SIK2: variants seen among roughly 807,000 people sequenced by gnomAD.
SIK2 encodes the protein serine/threonine-protein kinase SIK2.
A neutral mutation model predicts 103.2 loss-of-function variants in SIK2; 29 were observed. The observed-to-expected ratio is 0.28, with a 90% CI of 0.21 to 0.38. SIK2 has a LOEUF of 0.38. Ranked by LOEUF, SIK2 falls within the 10% of genes least tolerant of loss-of-function variation. SIK2 has a pLI of 1.00. For missense variants in SIK2, 879 were observed against 1,171.0 expected (o/e 0.75, Z 3.64); for synonymous variants, 412 against 446.1 (o/e 0.92, Z 0.96).
At chr11:111,606,952 A>C (rs936620839) in intron 1 of SIK2, among the ~76,000 whole-genome samples, 41 of 106,020 alleles carry the variant, frequency 3.9e-4, no homozygotes, top group African/African-American at 1.0e-3. Context: ...AGTCTCATTA[A>C]AAAGAAAAAA....
At chr11:111,673,029 G>T (rs925864148) in intron 3 of SIK2, among the ~76,000 whole-genome samples, 1 of 152,122 alleles carries the variant, frequency 6.6e-6, no homozygotes. Context: ...TCTCTTAACT[G>T]GTTAACTACA....
chr11:111,692,693 C>T (rs1276074570), intron 4 of SIK2, among the ~76,000 whole-genome samples: 1 of 152,080 alleles, frequency 6.6e-6, no homozygotes, highest in Non-Finnish European at 1.5e-5. Flanking sequence ...TAAGGATCAT[C>T]TTCTTATCTC....
intron 2 of SIK2, among the ~76,000 whole-genome samples, chr11:111,617,131 A>G (rs1418479364): frequency 1.3e-5 from 2 of 152,110 alleles, no homozygotes; most frequent in Non-Finnish European, 2.9e-5. Context: ...AGTGTAAGCC[A>G]TGGGGTTTTT....
At chr11:111,702,723 T>TGG (rs897650590) in intron 6 of SIK2, among the ~76,000 whole-genome samples, 24 of 152,344 alleles carry the variant, frequency 1.6e-4, no homozygotes, top group African/African-American at 4.1e-4. Flanking sequence ...GCGGTTTTCT[T>TGG]GGTGTAGTCA....
At chr11:111,708,888 TAGTG>T (rs1435569015) in intron 8 of SIK2, among the ~76,000 whole-genome samples, 4 of 152,268 alleles carry the variant, frequency 2.6e-5, no homozygotes, top group South Asian at 2.1e-4. Flanking sequence ...GTCACACAAT[TAGTG>T]AGCCACCACA....
At chr11:111,642,505 G>T (rs761184063) in intron 3 of SIK2, among the ~76,000 whole-genome samples, 1 of 152,126 alleles carries the variant, frequency 6.6e-6, no homozygotes, top group African/African-American at 2.4e-5. Flanking sequence ...GGTATAGGGG[G>T]AGGGCAGAGC....
rs150378177 is a variant in SIK2, at chr11:111,605,332, T to A, written c.135+2634T>A. 3.9e-5 allele frequency among the ~76,000 whole-genome samples: 6 copies of A among 152,354 alleles called. No individual in the cohort carries two copies. The East Asian group carries it at 1.2e-3, about 29-fold the overall frequency. On this transcript the variant is annotated intron_variant, in intron 1 of 14. Coordinates refer to ENST00000304987, the MANE Select transcript of SIK2 (RefSeq NM_015191.3). ...TAATGATGTTTTTTACAGCAGTTAT[T>A]TATCCTTATTCGTTCATTCACTGGA...
Position 111,688,381 on chromosome 11 carries a change from T to C in SIK2, c.478+219T>C, listed in dbSNP as rs549413200. On this transcript the variant is annotated intron_variant, in intron 4 of 14. Coordinates refer to ENST00000304987, the MANE Select transcript of SIK2 (RefSeq NM_015191.3). The surrounding 1 kb of genome is among the most constrained non-coding windows in gnomAD (Gnocchi z 4.2). The stretch of plus-strand genomic sequence containing the variant: ...ACAGGTCAGAGCTACATCTGGGGTC[T>C]GATGTGTCCAGATTCCATTGGCAGG... Among the ~76,000 whole-genome samples, 7 of 152,344 alleles carry C rather than the reference T, an allele frequency of 4.6e-5. No homozygotes were observed. The highest frequency in any genetic ancestry group is 1.7e-4 in the African/African-American group (7 of 41,572).
chr11:111,715,345 TCC>T (rs1274752261), intron 9 of SIK2, among the ~76,000 whole-genome samples: 2 of 152,184 alleles, frequency 1.3e-5, no homozygotes, highest in African/African-American at 4.8e-5. Flanking sequence ...GAGACACAGT[TCC>T]CTTTTTATTG....
intron 1 of SIK2, among the ~76,000 whole-genome samples, chr11:111,616,033 A>G (rs1171880775): frequency 1.3e-5 from 2 of 152,244 alleles, no homozygotes; most frequent in East Asian, 3.8e-4. Flanking sequence ...TTCATAGCAC[A>G]CTAAAGACAC....
At chr11:111,685,219 T>C (rs545902807) in intron 3 of SIK2, among the ~76,000 whole-genome samples, 2 of 152,320 alleles carry the variant, frequency 1.3e-5, no homozygotes, top group South Asian at 2.1e-4. Context: ...CATCAGGCAT[T>C]AGTTAGATTC....
chr11:111,627,130 CTG>C (rs1276873289), intron 3 of SIK2, among the ~76,000 whole-genome samples: 5 of 152,074 alleles, frequency 3.3e-5, no homozygotes, highest in Admixed American at 1.3e-4. Context: ...GCATAGTAAA[CTG>C]TAGATTCAGG....
Position 111,602,681 on chromosome 11 carries a change from C to G in SIK2, c.118C>G (p.Arg40Gly). The G allele has an allele frequency of 6.6e-7, 1 of 1,522,874 alleles. No homozygotes were observed. Among genetic ancestry groups the G allele is most frequent in the Admixed American group, 2.1e-5 (1 of 48,556 alleles). 94.3% of individuals were successfully genotyped at this position (1,522,874 alleles called of 1,614,324 possible). Reference protein sequence around the residue: ...NFAVVKLGRHRITKTEVAIKI... With the variant: ...NFAVVKLGRHGITKTEVAIKI... The stretch of plus-strand genomic sequence containing the variant: ...CGCTGTGGTGAAGCTGGGGCGGCAC[C>G]GGATCACCAAGACGGAGGTGCGGCC... The change falls in exon 1 of 15, where the codon CGG (arginine) becomes GGG (glycine). Residue 40 changes from arginine (R) to glycine (G), a missense_variant. This residue lies in a region of SIK2 where 126 missense variants were observed against 245.5 expected (regional missense o/e 0.51). Coordinates refer to ENST00000304987, the MANE Select transcript of SIK2 (RefSeq NM_015191.3). This position sits in a 1 kb window ranked among gnomAD's most constrained non-coding sequence, Gnocchi z 4.5.
chr11:111,655,181 C>A (rs532583308), intron 3 of SIK2, among the ~76,000 whole-genome samples: 2 of 152,246 alleles, frequency 1.3e-5, no homozygotes, highest in African/African-American at 4.8e-5. Context: ...GCACGCAGAT[C>A]ACTTGAGGTC....
intron 3 of SIK2, 85 bp downstream of exon 3, chr11:111,620,487 T>C: frequency 2.4e-6 from 2 of 849,848 alleles, no homozygotes; most frequent in South Asian, 3.4e-5. Context: ...ATTTTCTGCT[T>C]ATTTAAGTGT....
chr11:111,701,689 A>C lies in SIK2; in HGVS notation c.727+114A>C. On this transcript the variant is annotated intron_variant, in intron 6 of 14. Transcript: ENST00000304987. The surrounding 1 kb of genome is among the most constrained non-coding windows in gnomAD (Gnocchi z 4.2). Reference sequence around the variant, plus strand: ...GTTTGGGTGCCAAATAAAGTGACTGAGCTGTAGGTTAAAAGCTATAGAAAG... The same window carrying C: ...GTTTGGGTGCCAAATAAAGTGACTGCGCTGTAGGTTAAAAGCTATAGAAAG... The C allele has an allele frequency of 7.4e-7, 1 of 1,342,872 alleles. No individual in the cohort carries two copies. The highest frequency in any genetic ancestry group is 1.0e-6 in the Non-Finnish European group (1 of 991,544). The allele number at this position is 1,342,872 out of a possible 1,614,324, so 83.2% of individuals were successfully genotyped here.
At chr11:111,638,596 C>G (rs1342002150) in intron 3 of SIK2, among the ~76,000 whole-genome samples, 1 of 151,918 alleles carries the variant, frequency 6.6e-6, no homozygotes, top group Non-Finnish European at 1.5e-5. Context: ...TTTCCAAGTT[C>G]TTTAGTTTGT....
chr11:111,611,572 T>C (rs989486002), intron 1 of SIK2, among the ~76,000 whole-genome samples: 2 of 152,204 alleles, frequency 1.3e-5, no homozygotes, highest in Admixed American at 6.5e-5. Context: ...CTACTTTATG[T>C]GGGATTTAGT....
chr11:111,717,971 T>G (rs1943694427), intron 9 of SIK2, among the ~76,000 whole-genome samples: 1 of 152,082 alleles, frequency 6.6e-6, no homozygotes, highest in Non-Finnish European at 1.5e-5. Flanking sequence ...ATGCAGGGCT[T>G]AATACCTAGG....
Sources: gnomAD v4.1 joint callset for allele counts (sites outside exome capture counted in the v4.1 genomes callset) on GRCh38, gnomAD v4.1.1 for gene constraint, gnomAD v4.1.1 regional missense constraint, Gnocchi (gnomAD v3.1) non-coding constraint, MANE v1.5 for transcripts, NCBI Gene and HGNC (gene_info 2026-07-23, HGNC 2026-07-21) for gene names.